LRRK2: variants seen among roughly 807,000 people sequenced by gnomAD.
LRRK2 encodes leucine-rich repeat serine/threonine-protein kinase 2.
In LRRK2, 203 loss-of-function variants were observed where a neutral mutation model predicts 302.6. That is an observed-to-expected ratio of 0.67 (90% CI 0.60 to 0.75). The LOEUF (loss-of-function observed/expected upper bound fraction) is 0.75, where lower values mean the gene tolerates loss of function less well. Ranked by LOEUF, LRRK2 falls within the 30% of genes least tolerant of loss-of-function variation. The probability of loss-of-function intolerance (pLI) is 0.00; values close to 1 mark genes in which losing one functional copy is unlikely to be tolerated. For missense variants in LRRK2, 2,830 were observed against 2,951.0 expected (o/e 0.96, Z 0.95); for synonymous variants, 1,066 against 1,031.9 (o/e 1.03, Z -0.63).
At chr12:40,242,637 A>G (rs1183147472) in intron 6 of LRRK2, among the ~76,000 whole-genome samples, 1 of 151,726 alleles carries the variant, frequency 6.6e-6, no homozygotes, top group Admixed American at 6.6e-5. Flanking sequence ...TAACTGTTCC[A>G]TCTGGTGACA....
chr12:40,235,496 A>G (rs1345749883), intron 3 of LRRK2, 130 bp from the exon 4 acceptor site: 1 of 685,060 alleles, frequency 1.5e-6, no homozygotes, highest in African/African-American at 1.8e-5. Context: ...CAACAAAAAC[A>G]CATGAGCTTC....
intron 41 of LRRK2, among the ~76,000 whole-genome samples, chr12:40,346,068 TC>T (rs1173253623): frequency 6.6e-6 from 1 of 152,192 alleles, no homozygotes; most frequent in Non-Finnish European, 1.5e-5. Flanking sequence ...TTTATTATTA[TC>T]ACAAATGTTG....
chr12:40,271,251 G>A (rs1943221970), intron 14 of LRRK2, among the ~76,000 whole-genome samples: 2 of 152,048 alleles, frequency 1.3e-5, no homozygotes, highest in Non-Finnish European at 2.9e-5. Context: ...CACACATTTA[G>A]CTTATTTGTC....
intron 47 of LRRK2, among the ~76,000 whole-genome samples, chr12:40,362,837 C>G (rs1411370150): frequency 6.6e-6 from 1 of 151,952 alleles, no homozygotes; most frequent in Non-Finnish European, 1.5e-5. Context: ...GGGAAAATGG[C>G]AAATATTTTA....
chr12:40,313,058 T>C (rs17443882), intron 31 of LRRK2: 1 of 152,026 alleles, frequency 6.6e-6, no homozygotes, highest in Non-Finnish European at 1.5e-5. Context: ...TTAATTTTTT[T>C]CTGTGTGTGC....
intron 44 of LRRK2, among the ~76,000 whole-genome samples, chr12:40,353,467 C>T (rs112767992): frequency 0.27 from 40,011 of 148,764 alleles, 5,871 homozygotes; most frequent in South Asian, 0.36. Flanking sequence ...GACGGGATGG[C>T]GGCCGGGAAG....
chr12:40,348,403 T>C lies in LRRK2; in HGVS notation c.6281-6T>C, dbSNP rs753765090. On this transcript the variant is annotated splice_polypyrimidine_tract_variant and splice_region_variant and intron_variant, in intron 42 of 50. Transcript: ENST00000298910. ...TATGCTAGCATGATGTTTTTTAATGTTTTAGATCCAGTTAAAGAATATGGT... is the reference window on the plus strand; with the variant it reads ...TATGCTAGCATGATGTTTTTTAATGCTTTAGATCCAGTTAAAGAATATGGT... 2 of 1,581,598 alleles carry C rather than the reference T, an allele frequency of 1.3e-6. No individual in the cohort carries two copies. The highest frequency in any genetic ancestry group is 1.7e-6 in the Non-Finnish European group (2 of 1,150,824).
intron 20 of LRRK2, among the ~76,000 whole-genome samples, chr12:40,290,104 T>A (rs1328584615): frequency 6.6e-6 from 1 of 152,020 alleles, no homozygotes; most frequent in Non-Finnish European, 1.5e-5. Context: ...AGAAGCTTCT[T>A]CCTAGTCATT....
At chr12:40,305,399 T>G (rs927380268) in intron 27 of LRRK2, among the ~76,000 whole-genome samples, 2 of 152,146 alleles carry the variant, frequency 1.3e-5, no homozygotes, top group East Asian at 3.8e-4. Flanking sequence ...CATGCAGGTT[T>G]GTAGTGACTA....
Position 40,303,999 on chromosome 12 carries a change from C to T in LRRK2, c.3642C>T (p.Pro1214=), listed in dbSNP as rs201856307. The change falls in exon 27 of 51, where the codon CCC becomes CCT. Residue 1214 remains proline (P), a synonymous_variant. Coordinates refer to ENST00000298910, the MANE Select transcript of LRRK2 (RefSeq NM_198578.4). Reference sequence around the variant, plus strand: ...ATGATATTCAGTACCTACCAGGTCCCGCACACTGGAAATCTTTGAACTTAA... The same window carrying T: ...ATGATATTCAGTACCTACCAGGTCCTGCACACTGGAAATCTTTGAACTTAA... ...SSNDIQYLPG[P]AHWKSLNLRE... 21 of 1,613,590 alleles carry T rather than the reference C, an allele frequency of 1.3e-5. No individual in the cohort carries two copies. The highest frequency in any genetic ancestry group is 4.5e-5 in the East Asian group (2 of 44,850).
intron 21 of LRRK2, 143 bp downstream of exon 21, chr12:40,293,806 G>A: frequency 3.4e-6 from 2 of 595,686 alleles, no homozygotes; most frequent in Non-Finnish European, 6.0e-6. Flanking sequence ...TTTTATATAT[G>A]TAATAGATAT....
At chr12:40,244,109 G>A (rs1016990288) in intron 7 of LRRK2, among the ~76,000 whole-genome samples, 3 of 152,114 alleles carry the variant, frequency 2.0e-5, no homozygotes, top group Non-Finnish European at 4.4e-5. Flanking sequence ...CCCAGTGGGG[G>A]AAGCTACCCT....
intron 42 of LRRK2, among the ~76,000 whole-genome samples, 162 bp from the exon 43 acceptor site, chr12:40,348,247 A>G (rs1368481989): frequency 1.3e-5 from 2 of 152,212 alleles, no homozygotes; most frequent in Non-Finnish European, 2.9e-5. Context: ...GATCAAGTTA[A>G]CAAAATTAGC....
intron 38 of LRRK2, among the ~76,000 whole-genome samples, chr12:40,326,283 T>A (rs1290502309): frequency 6.6e-6 from 1 of 151,786 alleles, no homozygotes; most frequent in African/African-American, 2.4e-5. Context: ...GCTAACACGG[T>A]GAAACCCCAT....
chr12:40,363,656 AT>A (rs1565783544), intron 48 of LRRK2, 102 bp downstream of exon 48: 2 of 1,332,250 alleles, frequency 1.5e-6, no homozygotes, highest in Non-Finnish European at 1.0e-6. Flanking sequence ...TGAATAGAGA[AT>A]TTTTTTAAAA....
chr12:40,254,250 A>G (rs911880728), intron 11 of LRRK2, among the ~76,000 whole-genome samples: 4 of 152,178 alleles, frequency 2.6e-5, no homozygotes, highest in Admixed American at 2.0e-4. Flanking sequence ...TTAATAGAGA[A>G]ACTGGGTAGG....
Position 40,299,155 on chromosome 12 carries a change from A to G in LRRK2, c.3394A>G (p.Lys1132Glu). 6.2e-7 allele frequency: 1 copy of G among 1,613,530 alleles called. No homozygotes were observed. Among genetic ancestry groups the G allele is most frequent in the Non-Finnish European group, 8.5e-7 (1 of 1,179,772 alleles). Residue 1132 changes from lysine (K) to glutamate (E), a missense_variant, in exon 25 of 51, where the codon AAG (lysine) becomes GAG (glutamate). Coordinates refer to ENST00000298910, the MANE Select transcript of LRRK2 (RefSeq NM_198578.4). The part of the protein sequence containing the change: ...ICSPLRLKEL[K>E]ILNLSKNHIS... Reference sequence around the variant, plus strand: ...CTCCCCCTTGAGACTGAAGGAACTGAAGATTTTAAACCTTAGTAAGAACCA... The same window carrying G: ...CTCCCCCTTGAGACTGAAGGAACTGGAGATTTTAAACCTTAGTAAGAACCA...
intron 23 of LRRK2, among the ~76,000 whole-genome samples, chr12:40,296,470 A>G (rs1944389061): frequency 6.6e-6 from 1 of 151,990 alleles, no homozygotes; most frequent in African/African-American, 2.4e-5. Flanking sequence ...GTCTCTACCA[A>G]AAATATGAAA....
Position 40,278,171 on chromosome 12 carries a change from T to C in LRRK2, c.2151T>C (p.Cys717=), listed in dbSNP as rs199614089. The change falls in exon 18 of 51, where the codon TGT becomes TGC. Residue 717 remains cysteine, a synonymous_variant. Coordinates refer to ENST00000298910, the MANE Select transcript of LRRK2 (RefSeq NM_198578.4). ...YLKNVMLERA[C]DQNNSIMVEC... is the part of the protein sequence containing the mutation. ...AAAATGTGATGCTAGAGAGAGCGTG[T>C]GATCAGAATAACAGCATCATGGTTG... 6.2e-7 allele frequency: 1 copy of C among 1,614,036 alleles called. No individual in the cohort carries two copies. Among genetic ancestry groups the C allele is most frequent in the Non-Finnish European group, 8.5e-7 (1 of 1,180,016 alleles).
Sources: allele counts gnomAD v4.1 joint callset (sites outside exome capture counted in the v4.1 genomes callset), GRCh38; gene constraint gnomAD v4.1.1; transcripts MANE v1.5; gene names NCBI Gene and HGNC (gene_info 2026-07-23, HGNC 2026-07-21).